Variants in CD109 observed in about 807,000 individuals in gnomAD.
The protein encoded by CD109 is CD109 antigen.
Under a neutral mutation model 165.8 loss-of-function variants are expected in CD109, and 149 were observed. The ratio of observed to expected loss-of-function variants is 0.90; its 90% CI spans 0.79 to 1.03. The LOEUF (loss-of-function observed/expected upper bound fraction) is 1.03. CD109 is among the 50% of genes least tolerant of loss of function. CD109 has a pLI of 0.00. For missense variants in CD109, 1,712 were observed against 1,677.8 expected (o/e 1.02, Z -0.36); for synonymous variants, 585 against 592.1 (o/e 0.99, Z 0.18).
intron 25 of CD109, among the ~76,000 whole-genome samples, 155 bp from the exon 26 acceptor site, chr6:73,807,927 CA>C (rs1455587816): frequency 6.6e-6 from 1 of 152,140 alleles, no homozygotes; most frequent in Non-Finnish European, 1.5e-5. Context: ...CTTTAAATGT[CA>C]ATGATCATGG....
At chr6:73,693,652 GTGATTGTC>G (rs555375631), upstream of CD109, among the ~76,000 whole-genome samples, 261 of 152,340 alleles carry the variant, frequency 1.7e-3, no homozygotes, top group Middle Eastern at 6.8e-3. Flanking sequence ...CTGGGTTCAA[GTGATTGTC>G]ATGCCACAGC....
chr6:73,707,794 C>T (rs1771338206), intron 2 of CD109, among the ~76,000 whole-genome samples: 1 of 151,178 alleles, frequency 6.6e-6, no homozygotes, highest in African/African-American at 2.4e-5. Context: ...ATTTCATGTT[C>T]AATGTTAATA....
the CD109 span, among the ~76,000 whole-genome samples, chr6:73,684,015 T>C: frequency 5.3e-5 from 8 of 152,168 alleles, no homozygotes; most frequent in Middle Eastern, 3.2e-3. Context: ...ACTATTTATC[T>C]GTTGATGGGC....
At chr6:73,809,100 T>C (rs1201215027) in intron 26 of CD109, among the ~76,000 whole-genome samples, 4 of 152,226 alleles carry the variant, frequency 2.6e-5, no homozygotes, top group Admixed American at 6.6e-5. Flanking sequence ...GTGGTAGTTA[T>C]TTAATATTCC....
chr6:73,742,994 G>A (rs1414203545), intron 5 of CD109, among the ~76,000 whole-genome samples: 1 of 152,164 alleles, frequency 6.6e-6, no homozygotes, highest in African/African-American at 2.4e-5. Context: ...CCATTGAGAG[G>A]CAGTGTTGGG....
At chr6:73,742,592 T>C (rs769606049) in intron 5 of CD109, among the ~76,000 whole-genome samples, 8 of 152,258 alleles carry the variant, frequency 5.3e-5, no homozygotes, top group Non-Finnish European at 1.0e-4. Context: ...CTGGTGCTCA[T>C]GTTCCTCCAA....
At chr6:73,695,452 G>T (rs1260136609), upstream of CD109, 1 of 152,044 alleles carries the variant, frequency 6.6e-6, no homozygotes, top group Non-Finnish European at 1.5e-5. Context: ...TCTTTCTGTA[G>T]CAAAAATATA....
chr6:73,700,106 G>A (rs1391934443), intron 2 of CD109, among the ~76,000 whole-genome samples: 1 of 152,140 alleles, frequency 6.6e-6, no homozygotes, highest in Non-Finnish European at 1.5e-5. Context: ...TTAAGGGACA[G>A]AGTCTCACTC....
chr6:73,774,108 A>T (rs1362804452), intron 15 of CD109, among the ~76,000 whole-genome samples: 4 of 151,796 alleles, frequency 2.6e-5, no homozygotes, highest in Admixed American at 2.6e-4. Flanking sequence ...TTATATTCTG[A>T]TATTTCCCAT....
intron 5 of CD109, among the ~76,000 whole-genome samples, chr6:73,741,100 C>T (rs571337076): frequency 2.1e-5 from 3 of 144,352 alleles, no homozygotes; most frequent in South Asian, 2.2e-4. Flanking sequence ...TATACATAGA[C>T]TTTTTTTTTT....
At chr6:73,765,671 C>T (rs1773806355) in intron 10 of CD109, among the ~76,000 whole-genome samples, 1 of 152,006 alleles carries the variant, frequency 6.6e-6, no homozygotes, top group Non-Finnish European at 1.5e-5. Flanking sequence ...CTGAAAAGGA[C>T]ACTGAGAGGA....
At chr6:73,796,390 G>A (rs1180960819) in intron 23 of CD109, among the ~76,000 whole-genome samples, 3 of 152,018 alleles carry the variant, frequency 2.0e-5, no homozygotes, top group Non-Finnish European at 4.4e-5. Flanking sequence ...CCTTCTCCTG[G>A]CATGCTTTCT....
At chr6:73,687,409 T>C in the CD109 span, among the ~76,000 whole-genome samples, 1 of 151,862 alleles carries the variant, frequency 6.6e-6, no homozygotes, top group East Asian at 1.9e-4. Context: ...TCCTTCCTTC[T>C]TTCACATGCA....
intron 4 of CD109, among the ~76,000 whole-genome samples, chr6:73,731,655 A>T (rs1772373633): frequency 6.6e-6 from 1 of 152,230 alleles, no homozygotes; most frequent in Non-Finnish European, 1.5e-5. Flanking sequence ...GACTTGATGT[A>T]ATCTAACTTA....
intron 7 of CD109, among the ~76,000 whole-genome samples, chr6:73,762,172 AG>A (rs1475986619): frequency 2.0e-5 from 3 of 152,076 alleles, no homozygotes; most frequent in African/African-American, 7.2e-5. Flanking sequence ...TATGTTGGCC[AG>A]GCTGGTCTTG....
intron 15 of CD109, among the ~76,000 whole-genome samples, chr6:73,780,000 G>A (rs1774417292): frequency 6.8e-6 from 1 of 147,098 alleles, no homozygotes; most frequent in Non-Finnish European, 1.5e-5. Flanking sequence ...TTCTACTTTT[G>A]TAAATTGCCT....
the CD109 span, among the ~76,000 whole-genome samples, chr6:73,679,698 C>T: frequency 6.6e-6 from 1 of 151,546 alleles, no homozygotes; most frequent in Non-Finnish European, 1.5e-5. Context: ...TGCAGCGGCA[C>T]GATCTCGACT....
At chr6:73,748,522 C>T (rs1205177301) in intron 5 of CD109, among the ~76,000 whole-genome samples, 2 of 152,208 alleles carry the variant, frequency 1.3e-5, no homozygotes, top group African/African-American at 2.4e-5. Flanking sequence ...AAATATCCTT[C>T]TTTCCACTAG....
intron 2 of CD109, among the ~76,000 whole-genome samples, chr6:73,705,409 G>T (rs1216503814): frequency 1.3e-5 from 2 of 152,108 alleles, no homozygotes; most frequent in African/African-American, 4.8e-5. Flanking sequence ...GGAGGCTGAG[G>T]TGAGCAGATC....
Sources: allele counts gnomAD v4.1 joint callset (sites outside exome capture counted in the v4.1 genomes callset), GRCh38; gene constraint gnomAD v4.1.1; transcripts MANE v1.5; gene names NCBI Gene and HGNC (gene_info 2026-07-23, HGNC 2026-07-21).